YAP1: variants seen among roughly 807,000 people sequenced by gnomAD.
YAP1 encodes the protein Yes1 associated transcriptional regulator, also known as transcriptional coactivator YAP1.
In YAP1, 5 loss-of-function variants were observed where a neutral mutation model predicts 56.9. The ratio of observed to expected loss-of-function variants is 0.09; its 90% CI spans 0.05 to 0.18. The LOEUF is 0.18. Ranked by LOEUF, YAP1 falls within the 10% of genes least tolerant of loss-of-function variation. YAP1 has a pLI of 1.00. For synonymous variants in YAP1, 265 were observed against 248.1 expected, an observed-to-expected ratio of 1.07 and a Z score of -0.64; for missense variants, 539 against 651.8, an observed-to-expected ratio of 0.83 and a Z score of 1.88.
In YAP1 at chr11:102,166,660, C is replaced by A. The variant is rs954085762; in HGVS notation, c.688+4089C>A. Among the ~76,000 whole-genome samples, 6 of 152,192 alleles carry A rather than the reference C, an allele frequency of 3.9e-5. No homozygotes were observed. In the South Asian group the frequency reaches 1.0e-3, roughly 26 times the overall value. On this transcript the variant is annotated intron_variant, in intron 3 of 8. Transcript: ENST00000282441. ...TCTTCTGAGTCTGCTAACCCGAAGC[C>A]TTCACATAAAAGAGAAAGCTACACC... is the stretch of plus-strand genomic sequence containing the variant.
At chr11:102,141,446 G>C (rs1945017978) in intron 2 of YAP1, among the ~76,000 whole-genome samples, 1 of 152,126 alleles carries the variant, frequency 6.6e-6, no homozygotes, top group Non-Finnish European at 1.5e-5. Context: ...AGGCAAGGTG[G>C]GTGCAATGGT....
chr11:102,166,601 G>A (rs1416593429), intron 3 of YAP1, among the ~76,000 whole-genome samples: 3 of 152,178 alleles, frequency 2.0e-5, no homozygotes, highest in Non-Finnish European at 4.4e-5. Context: ...GTGAAGCAGG[G>A]TATCTACAGA....
At chr11:102,217,435 C>T (rs1208919042) in intron 6 of YAP1, among the ~76,000 whole-genome samples, 1 of 151,988 alleles carries the variant, frequency 6.6e-6, no homozygotes, top group East Asian at 1.9e-4. Flanking sequence ...ACCCAAATGC[C>T]TATCAACAGA....
In YAP1 at chr11:102,114,135, C is replaced by T; in HGVS notation, c.322-9C>T. The T allele has an allele frequency of 6.4e-7, 1 of 1,565,292 alleles. No homozygotes were observed. The highest frequency in any genetic ancestry group is 8.7e-7 in the Non-Finnish European group (1 of 1,149,170). ...TTTTTTAATTTTTCATCTTAATATTCCCTAATAGGCCAGTACTGATGCAGG... is the reference window on the plus strand; with the variant it reads ...TTTTTTAATTTTTCATCTTAATATTTCCTAATAGGCCAGTACTGATGCAGG... On this transcript the variant is annotated splice_polypyrimidine_tract_variant and intron_variant, in intron 1 of 8. Transcript: ENST00000282441.
chr11:102,161,534 C>G (rs1946292604), intron 2 of YAP1, among the ~76,000 whole-genome samples: 1 of 152,038 alleles, frequency 6.6e-6, no homozygotes, highest in Non-Finnish European at 1.5e-5. Flanking sequence ...TTAACCAATT[C>G]CCTATCATTA....
intron 4 of YAP1, among the ~76,000 whole-genome samples, chr11:102,193,022 A>C (rs2135539646): frequency 6.6e-6 from 1 of 152,326 alleles, no homozygotes; most frequent in Admixed American, 6.5e-5. Flanking sequence ...CATGTTAGCA[A>C]AGTTCAGCTT....
chr11:102,229,757 C>T lies in YAP1; in HGVS notation c.1332C>T (p.Tyr444=). Residue 444 remains tyrosine (Y), a synonymous_variant, in exon 9 of 9, where the codon TAC becomes TAT. Transcript: ENST00000282441. ...LPSQQNRFPD[Y]LEAIPGTNVD... Reference sequence around the variant, plus strand: ...CACAGCAGAACCGTTTCCCAGACTACCTTGAAGCCATTCCTGGGACAAATG... The same window carrying T: ...CACAGCAGAACCGTTTCCCAGACTATCTTGAAGCCATTCCTGGGACAAATG... 3 of 1,614,138 alleles carry T rather than the reference C, an allele frequency of 1.9e-6. No homozygotes were observed. Among genetic ancestry groups the T allele is most frequent in the Non-Finnish European group, 2.5e-6 (3 of 1,179,996 alleles).
chr11:102,155,238 G>A lies in YAP1; in HGVS notation c.573-7218G>A, dbSNP rs563323823. Among the ~76,000 whole-genome samples, 70 of 152,196 alleles carry A rather than the reference G, an allele frequency of 4.6e-4. No individual in the cohort carries two copies. In the South Asian group the frequency reaches 0.013, roughly 27 times the overall value. ...ACATTTCCTAAAAATGACATCTAAC[G>A]AATAATGAAACATCAAAGTAAAATA... is the stretch of plus-strand genomic sequence containing the variant. On this transcript the variant is annotated intron_variant, in intron 2 of 8. Transcript: ENST00000282441.
chr11:102,189,562 TAATG>T (rs1948166632), intron 4 of YAP1, among the ~76,000 whole-genome samples: 1 of 152,174 alleles, frequency 6.6e-6, no homozygotes, highest in Non-Finnish European at 1.5e-5. Context: ...TTAAAGCAAG[TAATG>T]AACAGTCCAG....
chr11:102,115,172 C>A (rs1457769131), intron 2 of YAP1, among the ~76,000 whole-genome samples: 1 of 152,106 alleles, frequency 6.6e-6, no homozygotes, highest in Non-Finnish European at 1.5e-5. Context: ...TTTGAAATTA[C>A]AGATAAGACC....
intron 2 of YAP1, among the ~76,000 whole-genome samples, chr11:102,140,979 A>G (rs1944988707): frequency 6.6e-6 from 1 of 152,202 alleles, no homozygotes; most frequent in African/African-American, 2.4e-5. Flanking sequence ...GAAATTGAGG[A>G]CATTTCTATT....
chr11:102,186,813 A>AGTGTGTGTGTGTGTGTGTGTGTGT (rs1420505732), intron 4 of YAP1: 2 of 47,080 alleles, frequency 4.2e-5, no homozygotes, highest in African/African-American at 9.8e-5. Context: ...CTTTTTAAAA[A>AGTGTGTGTGTGTGTGTGTGTGTGT]ATGTGTGTGT....
At chr11:102,181,063 C>G (rs1023943821) in intron 3 of YAP1, among the ~76,000 whole-genome samples, 10 of 151,242 alleles carry the variant, frequency 6.6e-5, no homozygotes, top group Non-Finnish European at 1.5e-4. Context: ...CAGGAGGTCA[C>G]TTGAGCCCAG....
intron 2 of YAP1, among the ~76,000 whole-genome samples, chr11:102,124,045 G>A (rs950714379): frequency 2.0e-5 from 3 of 151,274 alleles, no homozygotes; most frequent in Non-Finnish European, 4.4e-5. Context: ...TCTGGCTCCC[G>A]GGTTCAAGCG....
Position 102,229,650 on chromosome 11 carries a change from C to T in YAP1, c.1277-52C>T, listed in dbSNP as rs1052231868. Reference sequence around the variant, plus strand: ...TTCTCTGTGCTCATATGATACAGCCCTGATGTTAGCTTTTCAAAAAGGACT... The same window carrying T: ...TTCTCTGTGCTCATATGATACAGCCTTGATGTTAGCTTTTCAAAAAGGACT... On this transcript the variant is annotated intron_variant, in intron 8 of 8. Coordinates refer to ENST00000282441, the MANE Select transcript of YAP1 (RefSeq NM_001130145.3). The T allele has an allele frequency of 7.8e-6, 12 of 1,547,626 alleles. No individual in the cohort carries two copies. In the East Asian group the frequency reaches 9.0e-5, roughly 12 times the overall value.
At chr11:102,218,605 AGT>A (rs1317078715) in intron 6 of YAP1, among the ~76,000 whole-genome samples, 10 of 152,182 alleles carry the variant, frequency 6.6e-5, no homozygotes, top group African/African-American at 2.2e-4. Flanking sequence ...CAGTAAGTAA[AGT>A]GTCTTTTTTT....
intron 2 of YAP1, among the ~76,000 whole-genome samples, chr11:102,130,603 G>A (rs376632706): frequency 1.3e-5 from 2 of 151,218 alleles, no homozygotes; most frequent in East Asian, 3.9e-4. Flanking sequence ...GAGTCTTGCC[G>A]TGTTGCCCAG....
intron 3 of YAP1, among the ~76,000 whole-genome samples, chr11:102,162,836 G>C (rs1376876708): frequency 6.6e-6 from 1 of 152,158 alleles, no homozygotes; most frequent in African/African-American, 2.4e-5. Context: ...TCTCAAATTT[G>C]TAGTTCTGTT....
Position 102,130,720 on chromosome 11 carries a change from CTTTTTTTTTT to C in YAP1, c.572+16341_572+16350del, listed in dbSNP as rs61175592. Reference sequence around the variant, plus strand: ...ACCTGACCTCTCCTGGATAACTACTCTTTTTTTTTTTTTTTTTTTTTTTTAAGATTTAAAA... The same window carrying C: ...ACCTGACCTCTCCTGGATAACTACTCTTTTTTTTTTTTTTAAGATTTAAAA... On this transcript the variant is annotated intron_variant, in intron 2 of 8. Coordinates refer to ENST00000282441, the MANE Select transcript of YAP1 (RefSeq NM_001130145.3). Among the ~76,000 whole-genome samples, 80 of 98,162 alleles carry C rather than the reference CTTTTTTTTTT, an allele frequency of 8.1e-4. 1 individual carries two copies. Among genetic ancestry groups the C allele is most frequent in the Admixed American group, 9.8e-4 (8 of 8,126 alleles). 64.4% of individuals were successfully genotyped at this position (98,162 alleles called of 152,430 possible).
Sources: gnomAD v4.1 joint callset for allele counts (sites outside exome capture counted in the v4.1 genomes callset) on GRCh38, gnomAD v4.1.1 for gene constraint, MANE v1.5 for transcripts, NCBI Gene and HGNC (gene_info 2026-07-23, HGNC 2026-07-21) for gene names.